Variants in LOC400499 observed in about 807,000 individuals in gnomAD.
At chr16:11,386,329 A>G in the LOC400499 span, among the ~76,000 whole-genome samples, 1 of 152,266 alleles carries the variant, frequency 6.6e-6, no homozygotes, top group Non-Finnish European at 1.5e-5. Context: ...CAGTCCCAGC[A>G]TCCTGAGGGA....
the LOC400499 span, chr16:11,398,470 C>T: frequency 5.7e-6 from 7 of 1,232,276 alleles, no homozygotes; most frequent in Non-Finnish European, 6.1e-6. Context: ...TCCAGCGTGG[C>T]CTCCATGATG....
chr16:11,427,638 G>A, the LOC400499 span, among the ~76,000 whole-genome samples: 6 of 152,066 alleles, frequency 3.9e-5, no homozygotes, highest in East Asian at 1.2e-3. Context: ...TAGCGACAGA[G>A]TCTCCCTATG....
the LOC400499 span, chr16:11,460,826 C>G: frequency 7.9e-7 from 1 of 1,263,722 alleles, no homozygotes; most frequent in Non-Finnish European, 1.1e-6. Context: ...GGTATTCAGT[C>G]CTACTCAGAG....
the LOC400499 span, among the ~76,000 whole-genome samples, chr16:11,408,169 G>C: frequency 6.6e-6 from 1 of 152,022 alleles, no homozygotes; most frequent in South Asian, 2.1e-4. Flanking sequence ...TTTTAGTAGA[G>C]ATGGGGTTTC....
At chr16:11,480,859 C>T in the LOC400499 span, among the ~76,000 whole-genome samples, 1 of 152,202 alleles carries the variant, frequency 6.6e-6, no homozygotes, top group African/African-American at 2.4e-5. Flanking sequence ...CACCACAGGA[C>T]AGAGAAATCT....
At chr16:11,391,217 TA>T in the LOC400499 span, among the ~76,000 whole-genome samples, 4 of 152,246 alleles carry the variant, frequency 2.6e-5, no homozygotes, top group African/African-American at 9.6e-5. Flanking sequence ...TGCTGGGCAT[TA>T]GCCCTGGATG....
At chr16:11,384,846 T>G in the LOC400499 span, 311,279 of 1,230,912 alleles carry the variant, frequency 0.25, 41,764 homozygotes, top group Non-Finnish European at 0.28. Context: ...TCCCAAAGAG[T>G]CCGCTGTAGG....
the LOC400499 span, among the ~76,000 whole-genome samples, chr16:11,510,593 A>G: frequency 1.3e-5 from 2 of 151,652 alleles, no homozygotes; most frequent in East Asian, 3.9e-4. Flanking sequence ...TTCCCCATCA[A>G]TGATTTCCCC....
chr16:11,384,782 G>A, the LOC400499 span: 3 of 1,025,986 alleles, frequency 2.9e-6, no homozygotes, highest in Admixed American at 4.3e-5. Flanking sequence ...GAGGCCGGCA[G>A]AGGCTCTGCA....
the LOC400499 span, among the ~76,000 whole-genome samples, chr16:11,386,593 G>A: frequency 6.6e-6 from 1 of 152,210 alleles, no homozygotes; most frequent in Admixed American, 6.5e-5. Context: ...AACAGTACAT[G>A]CCCATTACCC....
the LOC400499 span, among the ~76,000 whole-genome samples, chr16:11,388,011 G>C: frequency 6.6e-6 from 1 of 152,026 alleles, no homozygotes; most frequent in Non-Finnish European, 1.5e-5. Flanking sequence ...AGATTTGAAT[G>C]ATCAGGGGGA....
At chr16:11,404,230 G>A in the LOC400499 span, among the ~76,000 whole-genome samples, 8 of 152,262 alleles carry the variant, frequency 5.3e-5, no homozygotes, top group South Asian at 4.1e-4. Flanking sequence ...CATGCTTGAC[G>A]TTATTTTGCT....
chr16:11,520,914 G>T, the LOC400499 span, among the ~76,000 whole-genome samples: 2 of 152,072 alleles, frequency 1.3e-5, no homozygotes, highest in African/African-American at 4.8e-5. Context: ...AAATACACTG[G>T]TTCTTTATAT....
the LOC400499 span, chr16:11,387,333 C>G: frequency 1.5e-5 from 18 of 1,230,430 alleles, no homozygotes; most frequent in Non-Finnish European, 1.7e-5. Context: ...TGTGCCTGCC[C>G]GAGCCTTGCT....
chr16:11,420,037 G>C, the LOC400499 span, among the ~76,000 whole-genome samples: 2 of 149,662 alleles, frequency 1.3e-5, no homozygotes, highest in Non-Finnish European at 3.0e-5. Context: ...TCAGTGTGGC[G>C]ATTCCTCAGG....
the LOC400499 span, among the ~76,000 whole-genome samples, chr16:11,448,480 A>G: frequency 6.6e-6 from 1 of 152,126 alleles, no homozygotes; most frequent in South Asian, 2.1e-4. Flanking sequence ...GGGCTTTAAG[A>G]CCAGCCTGGG....
chr16:11,433,134 A>T, the LOC400499 span, among the ~76,000 whole-genome samples: 2 of 152,358 alleles, frequency 1.3e-5, no homozygotes, highest in African/African-American at 4.8e-5. Context: ...GGCAGGGTTG[A>T]GTAGTTGCAA....
the LOC400499 span, among the ~76,000 whole-genome samples, chr16:11,504,651 A>T: frequency 6.6e-6 from 1 of 151,022 alleles, no homozygotes; most frequent in East Asian, 2.0e-4. Context: ...GGCTGGGTGC[A>T]GTGGCTCATG....
the LOC400499 span, among the ~76,000 whole-genome samples, chr16:11,383,211 G>A: frequency 0.34 from 51,115 of 151,784 alleles, 8,750 homozygotes; most frequent in Middle Eastern, 0.41. Context: ...GACTACAGGC[G>A]CCCGCAACCA....
Sources: allele counts gnomAD v4.1 joint callset (sites outside exome capture counted in the v4.1 genomes callset), GRCh38; gene constraint gnomAD v4.1.1; transcripts MANE v1.5.